The following KCNQ1 variants were observed in gnomAD, a reference collection of about 807,000 sequenced individuals.
KCNQ1 encodes potassium voltage-gated channel subfamily Q member 1.
A neutral mutation model predicts 72.4 loss-of-function variants in KCNQ1; 49 were observed. The observed-to-expected ratio is 0.68, with a 90% CI of 0.54 to 0.86. KCNQ1 has a LOEUF of 0.86. Ranked by LOEUF, KCNQ1 falls within the 40% of genes least tolerant of loss-of-function variation. KCNQ1 has a pLI of 0.00. For synonymous variants in KCNQ1, 450 were observed against 412.6 expected (o/e 1.09, Z -1.10); for missense variants, 790 against 945.1 (o/e 0.84, Z 2.15).
In KCNQ1 at chr11:2,735,130, T is replaced by C. The variant is rs1845935058; in HGVS notation, c.1515-33714T>C. Among the ~76,000 whole-genome samples, 1 of 152,016 alleles carries C rather than the reference T, an allele frequency of 6.6e-6. No homozygotes were observed. Among genetic ancestry groups the C allele is most frequent in the Non-Finnish European group, 1.5e-5 (1 of 67,966 alleles). ...TTACATTGAACTCCCCCATAAAACG[T>C]GTGAAACCTGACAGCAGCGCCGCAG... is the stretch of plus-strand genomic sequence containing the variant. On this transcript the variant is annotated intron_variant, in intron 11 of 15. Transcript: ENST00000155840. This position sits in a 1 kb window ranked among gnomAD's most constrained non-coding sequence, Gnocchi z 7.7.
At chr11:2,518,495 C>T (rs1376201743) in intron 1 of KCNQ1, among the ~76,000 whole-genome samples, 9 of 152,154 alleles carry the variant, frequency 5.9e-5, no homozygotes, top group Admixed American at 5.2e-4. Context: ...TGTGTGGACC[C>T]AGCCGAAAGC....
intron 6 of KCNQ1, among the ~76,000 whole-genome samples, chr11:2,582,499 C>T (rs548028559): frequency 1.6e-4 from 24 of 152,342 alleles, no homozygotes; most frequent in African/African-American, 5.0e-4. Context: ...GGCCTGCAAG[C>T]GGTGGCCGTC....
intron 15 of KCNQ1, among the ~76,000 whole-genome samples, chr11:2,802,609 A>T (rs1333538418): frequency 6.6e-6 from 1 of 152,040 alleles, no homozygotes; most frequent in Non-Finnish European, 1.5e-5. Flanking sequence ...TCCCCAGGGT[A>T]TAGGGCCAGA....
At chr11:2,798,233 G>A (rs961581967) in intron 15 of KCNQ1, among the ~76,000 whole-genome samples, 2 of 152,136 alleles carry the variant, frequency 1.3e-5, no homozygotes, top group Admixed American at 6.5e-5. Flanking sequence ...GACCGTCCAC[G>A]CCCTGGGTTC....
intron 1 of KCNQ1, among the ~76,000 whole-genome samples, chr11:2,501,286 A>C (rs1451501690): frequency 6.6e-6 from 1 of 151,508 alleles, no homozygotes; most frequent in Non-Finnish European, 1.5e-5. Flanking sequence ...ACCTTTAGCC[A>C]GACTAAGAAA....
rs1438809182 is a variant in KCNQ1, at chr11:2,457,654, T to A, written c.386+12170T>A. ...GGGGAGGGGGGAAGGGGAGCAAGGT[T>A]TGAAAAGTTACCTGTGGGTGCTGTG... On this transcript the variant is annotated intron_variant, in intron 1 of 15. Transcript: ENST00000155840. This position sits in a 1 kb window ranked among gnomAD's most constrained non-coding sequence, Gnocchi z 5.0. 6.6e-6 allele frequency among the ~76,000 whole-genome samples: 1 copy of A among 152,008 alleles called. No individual in the cohort carries two copies. Among genetic ancestry groups the A allele is most frequent in the Non-Finnish European group, 1.5e-5 (1 of 68,008 alleles).
intron 15 of KCNQ1, among the ~76,000 whole-genome samples, chr11:2,822,161 G>A (rs1028286710): frequency 6.6e-5 from 10 of 152,178 alleles, no homozygotes; most frequent in South Asian, 2.1e-4. Context: ...CTAGAAAACC[G>A]GAGAAGGTGA....
intron 11 of KCNQ1, among the ~76,000 whole-genome samples, chr11:2,709,591 A>G (rs1321805174): frequency 6.6e-6 from 1 of 152,058 alleles, no homozygotes; most frequent in Non-Finnish European, 1.5e-5. Flanking sequence ...GAACATTTTC[A>G]GTGCCCCTAA....
chr11:2,474,406 G>A (rs983240174), intron 1 of KCNQ1, among the ~76,000 whole-genome samples: 1 of 152,182 alleles, frequency 6.6e-6, no homozygotes, highest in South Asian at 2.1e-4. Flanking sequence ...GTGGGCACCC[G>A]AGCCCTGTGG....
chr11:2,800,106 C>A (rs552376178), intron 15 of KCNQ1, among the ~76,000 whole-genome samples: 2 of 152,338 alleles, frequency 1.3e-5, no homozygotes, highest in Admixed American at 6.5e-5. Flanking sequence ...ATGCAGACGT[C>A]CACAGTTCCC....
Position 2,847,879 on chromosome 11 carries a change from C to T in KCNQ1, c.1907C>T (p.Ala636Val). The change falls in exon 16 of 16, where the codon GCC becomes GTC. Residue 636 changes from alanine to valine, a missense_variant. This residue lies in a region of KCNQ1 where 94 missense variants were observed against 85.2 expected (regional missense o/e 1.10). Coordinates refer to ENST00000155840, the MANE Select transcript of KCNQ1 (RefSeq NM_000218.3). ...GSGGPPREGG[A>V]HITQPCGSGG... The stretch of plus-strand genomic sequence containing the variant: ...GGCGGCCCCCCCAGAGAGGGCGGGG[C>T]CCACATCACCCAGCCCTGCGGCAGT... 6.3e-7 allele frequency: 1 copy of T among 1,580,118 alleles called. No homozygotes were observed. Among genetic ancestry groups the T allele is most frequent in the Non-Finnish European group, 8.6e-7 (1 of 1,163,304 alleles).
chr11:2,608,650 G>C lies in KCNQ1; in HGVS notation c.1393+19796G>C. On this transcript the variant is annotated intron_variant, in intron 10 of 15. Transcript: ENST00000155840. This position sits in a 1 kb window ranked among gnomAD's most constrained non-coding sequence, Gnocchi z 4.6. ...TGTTATTCAAAAAATATTTTGTAGA[G>C]ATAGGGTCTTGCTTTGTTGTGCATG... The C allele has an allele frequency of 5.0e-6, 2 of 398,562 alleles. No homozygotes were observed. The highest frequency in any genetic ancestry group is 8.8e-6 in the Non-Finnish European group (2 of 226,070). 24.7% of individuals were successfully genotyped at this position (398,562 alleles called of 1,614,324 possible). A position where few individuals can be genotyped will look rare whatever the true frequency, so the allele number is the denominator to read the frequency against.
chr11:2,614,249 C>G, intron 10 of KCNQ1: 1 of 398,574 alleles, frequency 2.5e-6, no homozygotes, highest in Non-Finnish European at 4.4e-6. Context: ...CTGCTCTGGA[C>G]TACCTATTTC....
At chr11:2,736,836 C>T (rs549243707) in intron 11 of KCNQ1, among the ~76,000 whole-genome samples, 43 of 152,194 alleles carry the variant, frequency 2.8e-4, no homozygotes, top group Non-Finnish European at 5.4e-4. Context: ...GGTGAAAACT[C>T]GGTCAAGATA....
intron 1 of KCNQ1, among the ~76,000 whole-genome samples, chr11:2,469,262 A>G (rs1053283122): frequency 6.7e-6 from 1 of 149,668 alleles, no homozygotes; most frequent in Non-Finnish European, 1.5e-5. Flanking sequence ...TGAATTCAAG[A>G]GTTTTTTTTT....
At chr11:2,741,877 C>A (rs529287378) in intron 11 of KCNQ1, among the ~76,000 whole-genome samples, 1 of 152,228 alleles carries the variant, frequency 6.6e-6, no homozygotes, top group Non-Finnish European at 1.5e-5. Context: ...GCCCCACTCT[C>A]TGCCACCCCA....
chr11:2,641,559 G>T (rs1311571523), intron 10 of KCNQ1: 6 of 398,338 alleles, frequency 1.5e-5, no homozygotes, highest in Admixed American at 4.4e-5. Flanking sequence ...TGAGTAGTTT[G>T]CAAATATTTT....
chr11:2,651,259 G>A lies in KCNQ1; in HGVS notation c.1394-10702G>A, dbSNP rs576671282. ...CAGCTTAATTCAGGAATTAAGCTGT[G>A]CTGGTCACTTATTGAGAAAGAGCTT... On this transcript the variant is annotated intron_variant, in intron 10 of 15. Transcript: ENST00000155840. This position sits in a 1 kb window ranked among gnomAD's most constrained non-coding sequence, Gnocchi z 6.1. The A allele has an allele frequency of 2.5e-6, 1 of 398,694 alleles. No homozygotes were observed. The highest frequency in any genetic ancestry group is 1.3e-4 in the South Asian group (1 of 7,848). 24.7% of individuals were successfully genotyped at this position (398,694 alleles called of 1,614,324 possible).
chr11:2,466,354 G>T (rs1035562376), intron 1 of KCNQ1, among the ~76,000 whole-genome samples: 4 of 152,184 alleles, frequency 2.6e-5, no homozygotes, highest in Non-Finnish European at 5.9e-5. Flanking sequence ...CCAGGCTGGG[G>T]TTTGTCCCCT....
Sources: gnomAD v4.1 joint callset for allele counts (sites outside exome capture counted in the v4.1 genomes callset) on GRCh38, gnomAD v4.1.1 for gene constraint, gnomAD v4.1.1 regional missense constraint, Gnocchi (gnomAD v3.1) non-coding constraint, MANE v1.5 for transcripts, NCBI Gene and HGNC (gene_info 2026-07-23, HGNC 2026-07-21) for gene names.